The following NTMT1 variants were observed in gnomAD, a reference collection of about 807,000 sequenced individuals.
NTMT1 encodes N-terminal Xaa-Pro-Lys N-methyltransferase 1, also known as N-terminal RCC1 methyltransferase.
In NTMT1, 8 loss-of-function variants were observed where a neutral mutation model predicts 17.5. The observed-to-expected ratio is 0.46, with a 90% CI of 0.27 to 0.82. NTMT1 has a LOEUF of 0.82. NTMT1 is among the 40% of genes least tolerant of loss of function. NTMT1 has a pLI of 0.15. For missense variants in NTMT1, 221 were observed against 303.5 expected (o/e 0.73, Z 2.02); for synonymous variants, 128 against 126.8 (o/e 1.01, Z -0.06).
At chr9:129,634,525 A>G (rs2118983186) in intron 3 of NTMT1, 2 of 480,736 alleles carry the variant, frequency 4.2e-6, no homozygotes, top group East Asian at 6.8e-5. Context: ...TTTCAGTTGA[A>G]TACCTGCTAC....
Position 129,619,612 on chromosome 9 carries a change from A to G in NTMT1, c.-55+10434A>G, listed in dbSNP as rs564345443. On this transcript the variant is annotated intron_variant, in intron 1 of 3. Transcript: ENST00000372486. ...GCTGGAGCGAAATCTTCGTAAGACT[A>G]TCCTGGAGGTGCGATGACTGGCCCC... The G allele has an allele frequency of 9.9e-6, 16 of 1,614,026 alleles. No homozygotes were observed. In the South Asian group the frequency reaches 1.3e-4, roughly 13 times the overall value.
At chr9:129,626,641 G>A (rs966320056) in intron 1 of NTMT1, 1 of 152,330 alleles carries the variant, frequency 6.6e-6, no homozygotes, top group Non-Finnish European at 1.5e-5. Context: ...CGCCCACTTG[G>A]AGGATGGATG....
chr9:129,619,398 A>C, intron 1 of NTMT1: 1 of 737,094 alleles, frequency 1.4e-6, no homozygotes, highest in South Asian at 1.7e-5. Flanking sequence ...GCCATATGTA[A>C]GGATGGATGA....
At chr9:129,612,840 A>G (rs561864267) in intron 1 of NTMT1, among the ~76,000 whole-genome samples, 413 of 152,228 alleles carry the variant, frequency 2.7e-3, no homozygotes, top group African/African-American at 9.7e-3. Flanking sequence ...AAAAAAGCAA[A>G]GAGAGGAGAG....
At chr9:129,619,950 C>A in intron 1 of NTMT1, 1 of 1,489,914 alleles carries the variant, frequency 6.7e-7, no homozygotes, top group South Asian at 1.2e-5. Context: ...CTGAGATACT[C>A]AGCTAACATT....
At chr9:129,629,689 C>A (rs751456527) in intron 1 of NTMT1, among the ~76,000 whole-genome samples, 43 of 152,188 alleles carry the variant, frequency 2.8e-4, no homozygotes, top group Non-Finnish European at 3.5e-4. Flanking sequence ...CCTCCCCAGC[C>A]TGTTACCCCA....
At chr9:129,615,132 A>G (rs1257582772) in intron 1 of NTMT1, among the ~76,000 whole-genome samples, 5 of 152,200 alleles carry the variant, frequency 3.3e-5, no homozygotes, top group Admixed American at 3.3e-4. Flanking sequence ...GACCTCCTCC[A>G]GCCCCTGTAG....
upstream of NTMT1, among the ~76,000 whole-genome samples, chr9:129,621,343 C>CTTG (rs1356481201): frequency 2.0e-5 from 3 of 152,092 alleles, no homozygotes; most frequent in Non-Finnish European, 2.9e-5. Flanking sequence ...GTTTGTTGTT[C>CTTG]TTGTTGTTGT....
Position 129,610,049 on chromosome 9 carries a change from T to C in NTMT1, c.-55+871T>C, listed in dbSNP as rs369119086. Among the ~76,000 whole-genome samples, 287 of 149,952 alleles carry C rather than the reference T, an allele frequency of 1.9e-3. 1 individual carries two copies. Among genetic ancestry groups the C allele is most frequent in the African/African-American group, 6.8e-3 (275 of 40,722 alleles). On this transcript the variant is annotated intron_variant, in intron 1 of 3. Coordinates refer to the NTMT1 transcript ENST00000372486. Reference sequence around the variant, plus strand: ...GTGTGTCTCGGGGTGCGTATCTCGGTGGTGGGTGTGAGTGCCGAAAGCGGC... The same window carrying C: ...GTGTGTCTCGGGGTGCGTATCTCGGCGGTGGGTGTGAGTGCCGAAAGCGGC...
At chr9:129,625,326 TTTTA>T (rs1830853838), upstream of NTMT1, among the ~76,000 whole-genome samples, 1 of 152,206 alleles carries the variant, frequency 6.6e-6, no homozygotes, top group Non-Finnish European at 1.5e-5. Flanking sequence ...TTTCTTTTTA[TTTTA>T]TTTATTTTGG....
At chr9:129,623,725 T>TG (rs1468452784), upstream of NTMT1, among the ~76,000 whole-genome samples, 1 of 149,728 alleles carries the variant, frequency 6.7e-6, no homozygotes, top group Non-Finnish European at 1.5e-5. Context: ...CAATATTGAG[T>TG]GGGGGAGGGA....
chr9:129,612,538 C>A, intron 1 of NTMT1: 1 of 1,054,038 alleles, frequency 9.5e-7, no homozygotes, highest in Non-Finnish European at 1.4e-6. Context: ...TGTGCTGAAG[C>A]CCTGTTGGGC....
intron 1 of NTMT1, among the ~76,000 whole-genome samples, chr9:129,612,850 G>A (rs1323693081): frequency 6.6e-6 from 1 of 151,980 alleles, no homozygotes. Flanking sequence ...AGAGAGGAGA[G>A]GGGAGGGGAG....
At chr9:129,630,319 A>G (rs1831095499) in intron 1 of NTMT1, among the ~76,000 whole-genome samples, 1 of 152,142 alleles carries the variant, frequency 6.6e-6, no homozygotes, top group Non-Finnish European at 1.5e-5. Context: ...CAGAAAATAC[A>G]AAAGTTAGCC....
At chr9:129,617,045 G>A (rs1231367787) in intron 1 of NTMT1, among the ~76,000 whole-genome samples, 1 of 151,812 alleles carries the variant, frequency 6.6e-6, no homozygotes, top group African/African-American at 2.4e-5. Context: ...CCAGCCTAGG[G>A]ACGGAGTGAG....
At chr9:129,623,822 TC>T, upstream of NTMT1, among the ~76,000 whole-genome samples, 2 of 86,836 alleles carry the variant, frequency 2.3e-5, no homozygotes, top group Non-Finnish European at 5.0e-5. Flanking sequence ...TTTTTTCTTT[TC>T]TTTTCTTTTT....
chr9:129,634,630 A>G (rs1831408255), intron 3 of NTMT1: 1 of 278,944 alleles, frequency 3.6e-6, no homozygotes, highest in Admixed American at 4.9e-5. Flanking sequence ...TTTATTTTTA[A>G]TAAGATGAAT....
At chr9:129,610,297 C>T in intron 1 of NTMT1, among the ~76,000 whole-genome samples, 1 of 130,038 alleles carries the variant, frequency 7.7e-6, no homozygotes, top group Admixed American at 7.9e-5. Context: ...CCCTGCAGGC[C>T]CCGCCCCCCC....
upstream of NTMT1, among the ~76,000 whole-genome samples, chr9:129,624,653 G>C (rs975559210): frequency 8.5e-5 from 13 of 152,184 alleles, no homozygotes; most frequent in East Asian, 1.9e-4. Context: ...TTTTGAGACA[G>C]AGTTTCGTTC....
Sources: allele counts gnomAD v4.1 joint callset (sites outside exome capture counted in the v4.1 genomes callset), GRCh38; gene constraint gnomAD v4.1.1; transcripts MANE v1.5; gene names NCBI Gene and HGNC (gene_info 2026-07-23, HGNC 2026-07-21).